The following MYO1H variants were observed in gnomAD, a reference collection of about 807,000 sequenced individuals.
MYO1H encodes the protein unconventional myosin-Ih.
Under a neutral mutation model 149.3 loss-of-function variants are expected in MYO1H, and 118 were observed. The ratio of observed to expected loss-of-function variants is 0.79; its 90% confidence interval spans 0.68 to 0.92. The LOEUF (loss-of-function observed/expected upper bound fraction) is 0.92. MYO1H is among the 40% of genes least tolerant of loss of function. MYO1H has a pLI of 0.00. For missense variants in MYO1H, 1,212 were observed against 1,280.7 expected (o/e 0.95, Z 0.82); for synonymous variants, 447 against 465.2 (o/e 0.96, Z 0.50).
At chr12:109,311,266 G>A in the MYO1H span, among the ~76,000 whole-genome samples, 1 of 152,278 alleles carries the variant, frequency 6.6e-6, no homozygotes, top group South Asian at 2.1e-4. Context: ...TTCACTAAAA[G>A]ACAGCCCCTC....
At chr12:109,417,005 C>T (rs1870939599) in intron 15 of MYO1H, among the ~76,000 whole-genome samples, 1 of 137,346 alleles carries the variant, frequency 7.3e-6, no homozygotes, top group Admixed American at 7.5e-5. Flanking sequence ...GAAACTCCAT[C>T]TCAAAAAAAA....
the MYO1H span, among the ~76,000 whole-genome samples, chr12:109,322,117 CTTT>C: frequency 6.6e-6 from 1 of 152,066 alleles, no homozygotes; most frequent in Non-Finnish European, 1.5e-5. Flanking sequence ...TCTTTATGGT[CTTT>C]AAGACCATAA....
the MYO1H span, among the ~76,000 whole-genome samples, chr12:109,328,157 C>CGTGTGT: frequency 1.4e-5 from 2 of 142,626 alleles, no homozygotes; most frequent in African/African-American, 5.2e-5. Context: ...TATATATATG[C>CGTGTGT]GTGTGTGTGT....
chr12:109,331,212 A>G, the MYO1H span, among the ~76,000 whole-genome samples: 1 of 152,228 alleles, frequency 6.6e-6, no homozygotes, highest in African/African-American at 2.4e-5. Context: ...TAGAAAATCC[A>G]TAGCAGAGTC....
the MYO1H span, among the ~76,000 whole-genome samples, chr12:109,330,614 G>T: frequency 6.6e-6 from 1 of 152,152 alleles, no homozygotes; most frequent in Non-Finnish European, 1.5e-5. Flanking sequence ...AGAGAAAAAT[G>T]AATCTATTTC....
At chr12:109,330,277 TAC>T in the MYO1H span, among the ~76,000 whole-genome samples, 9 of 151,180 alleles carry the variant, frequency 6.0e-5, no homozygotes, top group East Asian at 2.0e-4. Flanking sequence ...TGAAAACATG[TAC>T]ACACACACAT....
At chr12:109,427,680 G>C in intron 19 of MYO1H, 94 bp downstream of exon 19, 2 of 858,046 alleles carry the variant, frequency 2.3e-6, no homozygotes, top group Non-Finnish European at 3.9e-6. Context: ...GCATCCCTTA[G>C]GAAGGCTCAG....
rs1868958975 is a variant in MYO1H at position 109,370,511 on chromosome 12, A to G, written c.13-18172A>G. Reference sequence around the variant, plus strand: ...ACAAAGAGGAAAATACCATCTGGCTATGGAGTTGTTGTGGGTAATACATGA... The same window carrying G: ...ACAAAGAGGAAAATACCATCTGGCTGTGGAGTTGTTGTGGGTAATACATGA... On this transcript the variant is annotated intron_variant, in intron 1 of 31. Transcript: ENST00000310903. Among the ~76,000 whole-genome samples the G allele has an allele frequency of 3.3e-5, 5 of 152,206 alleles. No homozygotes were observed. In the South Asian group the frequency reaches 8.3e-4, roughly 25 times the overall value.
chr12:109,373,986 CAAAG>C (rs750989605), intron 1 of MYO1H, among the ~76,000 whole-genome samples: 34 of 152,134 alleles, frequency 2.2e-4, no homozygotes, highest in Middle Eastern at 3.4e-3. Context: ...GACTCTGTCT[CAAAG>C]AAAGCAATAG....
At chr12:109,316,724 C>T in the MYO1H span, among the ~76,000 whole-genome samples, 9 of 152,184 alleles carry the variant, frequency 5.9e-5, no homozygotes, top group Admixed American at 2.6e-4. Context: ...ATGGGTGTAA[C>T]GGACAAAAAG....
chr12:109,401,362 T>G, intron 6 of MYO1H, 90 bp downstream of exon 6: 1 of 1,297,822 alleles, frequency 7.7e-7, no homozygotes, highest in Non-Finnish European at 1.1e-6. Flanking sequence ...TTTGAGACAT[T>G]CTATTACCAT....
rs375517966 is a variant in MYO1H at position 109,424,717 on chromosome 12, G to A, written c.1645-31G>A. 23 of 1,580,562 alleles carry A rather than the reference G, an allele frequency of 1.5e-5. No homozygotes were observed. The African/African-American group carries it at 1.8e-4, about 12-fold the overall frequency. On this transcript the variant is annotated intron_variant, in intron 16 of 31. Coordinates refer to ENST00000310903, the Ensembl canonical transcript of MYO1H. Reference sequence around the variant, plus strand: ...GCCCTGTAGTGATTTCTGAAACAGCGAACGTGGTACTCATTTCTCTTCACT... The same window carrying A: ...GCCCTGTAGTGATTTCTGAAACAGCAAACGTGGTACTCATTTCTCTTCACT...
At chr12:109,440,864 G>T in intron 25 of MYO1H, 37 bp downstream of exon 25, 6 of 1,417,696 alleles carry the variant, frequency 4.2e-6, no homozygotes, top group Non-Finnish European at 4.9e-6. Flanking sequence ...GGTGGTGGGG[G>T]TGGGTGTAAG....
Position 109,409,636 on chromosome 12 carries a change from C to T in MYO1H, c.1223+12C>T, listed in dbSNP as rs370874642. 2 of 1,592,564 alleles carry T rather than the reference C, an allele frequency of 1.3e-6. No individual in the cohort carries two copies. The highest frequency in any genetic ancestry group is 1.7e-6 in the Non-Finnish European group (2 of 1,160,516). ...TTTGACAAGAATGGGTATGTTTTGT[C>T]ATTACCTACCTATCTGTCTTTTGCC... On this transcript the variant is annotated intron_variant, in intron 11 of 31. Transcript: ENST00000310903.
the MYO1H span, among the ~76,000 whole-genome samples, chr12:109,311,864 A>G: frequency 3.3e-3 from 499 of 152,338 alleles, 2 homozygotes; most frequent in African/African-American, 0.011. Context: ...CTTGCAGAAG[A>G]AAGAAAAAGC....
Position 109,443,355 on chromosome 12 carries a change from T to TGTGTACGTATATATGTGTGTATATAC in MYO1H, c.2689-159_2689-158insGTGTACGTATATATGTGTGTATATAC, listed in dbSNP as rs1872322396. 1.1e-4 allele frequency among the ~76,000 whole-genome samples: 8 copies of TGTGTACGTATATATGTGTGTATATAC among 74,778 alleles called. 1 individual carries two copies. The highest frequency in any genetic ancestry group is 4.3e-4 in the African/African-American group (8 of 18,566). 49.1% of individuals were successfully genotyped at this position (74,778 alleles called of 152,430 possible). A position where few individuals can be genotyped will look rare whatever the true frequency, so the allele number is the denominator to read the frequency against. ...ATGTGTACGTATATATGTGTGTATATACACACACACACACACACACACACA... is the reference window on the plus strand; with the variant it reads ...ATGTGTACGTATATATGTGTGTATATGTGTACGTATATATGTGTGTATATACACACACACACACACACACACACACA... On this transcript the variant is annotated intron_variant, in intron 27 of 31. Coordinates refer to ENST00000310903, the Ensembl canonical transcript of MYO1H.
At chr12:109,397,694 G>C in intron 4 of MYO1H, 38 bp from the exon 5 acceptor site, 1 of 1,548,092 alleles carries the variant, frequency 6.5e-7, no homozygotes, top group Non-Finnish European at 8.8e-7. Context: ...TACGCATGGT[G>C]AGCTTAAATG....
rs771586304 is a variant in MYO1H at position 109,436,499 on chromosome 12, C to T, written c.2152C>T (p.Gln718Ter). 2 of 1,610,196 alleles carry T rather than the reference C, an allele frequency of 1.2e-6. No homozygotes were observed. Among genetic ancestry groups the T allele is most frequent in the South Asian group, 1.1e-5 (1 of 89,972 alleles). The change falls in exon 22 of 32, where the codon CAA (glutamine) becomes TAA (stop). Residue 718 changes from glutamine to a stop codon, truncating the protein, a stop_gained. Transcript: ENST00000310903. LOFTEE classifies it high-confidence loss of function. ...TGTTTTATTTTAAGTTGCAAGAATCCAAGCCACTTACAAACGCTGCCTAGG... is the reference window on the plus strand; with the variant it reads ...TGTTTTATTTTAAGTTGCAAGAATCTAAGCCACTTACAAACGCTGCCTAGG...
chr12:109,429,637 TG>T (rs1276669452), intron 19 of MYO1H, among the ~76,000 whole-genome samples: 3 of 152,120 alleles, frequency 2.0e-5, no homozygotes, highest in African/African-American at 7.2e-5. Context: ...ATGGGGGTCC[TG>T]GAACCAATTC....
Sources: gnomAD v4.1 joint callset for allele counts (sites outside exome capture counted in the v4.1 genomes callset) on GRCh38, gnomAD v4.1.1 for gene constraint, MANE v1.5 for transcripts, NCBI Gene and HGNC (gene_info 2026-07-23, HGNC 2026-07-21) for gene names.